Variants in GHR observed in about 807,000 individuals in gnomAD.
GHR encodes GH receptor.
Under a neutral mutation model 67.1 loss-of-function variants are expected in GHR, and 35 were observed. That is an observed-to-expected ratio of 0.52 (90% CI 0.40 to 0.69). The LOEUF (loss-of-function observed/expected upper bound fraction) is 0.69, where lower values mean the gene tolerates loss of function less well. GHR is among the 30% of genes least tolerant of loss of function. The pLI is 0.00. For synonymous variants in GHR, 272 were observed against 269.1 expected (o/e 1.01, Z -0.10); for missense variants, 792 against 764.6 (o/e 1.04, Z -0.42).
chr5:42,441,362 G>A (rs1442388792), intron 1 of GHR, among the ~76,000 whole-genome samples: 2 of 152,218 alleles, frequency 1.3e-5, no homozygotes, highest in South Asian at 2.1e-4. Context: ...GTTTGTTGTA[G>A]TGATGGGGGC....
At chr5:42,504,351 A>G (rs1746665601) in intron 1 of GHR, among the ~76,000 whole-genome samples, 1 of 152,186 alleles carries the variant, frequency 6.6e-6, no homozygotes, top group Non-Finnish European at 1.5e-5. Flanking sequence ...CAAGCAGGAA[A>G]TGCAGAAGAG....
At chr5:42,548,475 G>T (rs1177329682) in intron 1 of GHR, 2 of 985,018 alleles carry the variant, frequency 2.0e-6, no homozygotes, top group Non-Finnish European at 2.4e-6. Context: ...ATAAAGCCTG[G>T]AGGAAACAAT....
chr5:42,689,303 G>T (rs35267211), intron 4 of GHR, among the ~76,000 whole-genome samples: 14 of 152,256 alleles, frequency 9.2e-5, no homozygotes, highest in African/African-American at 3.4e-4. Flanking sequence ...TGAATTAAAT[G>T]TCAGCTAGTA....
At chr5:42,546,302 T>C (rs1224937678) in intron 1 of GHR, among the ~76,000 whole-genome samples, 1 of 152,228 alleles carries the variant, frequency 6.6e-6, no homozygotes, top group Non-Finnish European at 1.5e-5. Flanking sequence ...TGTCTTTTTA[T>C]AACCCCTCAT....
chr5:42,614,492 G>T (rs1432697337), intron 2 of GHR, among the ~76,000 whole-genome samples: 13 of 149,476 alleles, frequency 8.7e-5, no homozygotes, highest in Non-Finnish European at 1.8e-4. Context: ...GCTTCCAGGG[G>T]ATGCTGATGC....
intron 2 of GHR, among the ~76,000 whole-genome samples, chr5:42,583,112 G>T (rs1751277723): frequency 6.6e-6 from 1 of 152,232 alleles, no homozygotes; most frequent in Non-Finnish European, 1.5e-5. Context: ...AAAGTTTCCA[G>T]CTGGAAAAGC....
chr5:42,609,160 G>A (rs779801652), intron 2 of GHR, among the ~76,000 whole-genome samples: 5 of 152,244 alleles, frequency 3.3e-5, no homozygotes, highest in South Asian at 2.1e-4. Context: ...TAGCTCCCAG[G>A]CCTGAAAGGT....
chr5:42,455,644 G>A (rs1004365724), intron 1 of GHR, among the ~76,000 whole-genome samples: 4 of 152,192 alleles, frequency 2.6e-5, no homozygotes, highest in Non-Finnish European at 5.9e-5. Flanking sequence ...CTCTGAAGCA[G>A]GAGTGGCAAG....
chr5:42,635,926 T>G (rs1175963986), intron 3 of GHR, among the ~76,000 whole-genome samples: 1 of 151,788 alleles, frequency 6.6e-6, no homozygotes, highest in Non-Finnish European at 1.5e-5. Flanking sequence ...AAAAAAAATT[T>G]TAGGCCAGAC....
chr5:42,497,887 T>C (rs1201689421), intron 1 of GHR, among the ~76,000 whole-genome samples: 1 of 152,092 alleles, frequency 6.6e-6, no homozygotes, highest in African/African-American at 2.4e-5. Context: ...TGCTTGTAGG[T>C]TGGGGAAGGA....
chr5:42,605,751 T>G (rs2112651354), intron 2 of GHR, among the ~76,000 whole-genome samples: 1 of 152,348 alleles, frequency 6.6e-6, no homozygotes, highest in South Asian at 2.1e-4. Flanking sequence ...AGCTGGAAGC[T>G]TGGTTATGTT....
chr5:42,665,266 G>C (rs1005133133), intron 3 of GHR, among the ~76,000 whole-genome samples: 3 of 152,126 alleles, frequency 2.0e-5, no homozygotes, highest in African/African-American at 7.2e-5. Flanking sequence ...CCAAATGACT[G>C]TAAATCATGC....
intron 3 of GHR, among the ~76,000 whole-genome samples, chr5:42,684,577 A>T (rs1757045291): frequency 6.6e-6 from 1 of 152,164 alleles, no homozygotes; most frequent in African/African-American, 2.4e-5. Flanking sequence ...CATCTTTTTC[A>T]CTGTACTCAT....
In GHR at chr5:42,719,053, A is replaced by G. The variant is rs1192821670; in HGVS notation, c.1546A>G (p.Met516Val). 6.2e-7 allele frequency: 1 copy of G among 1,610,184 alleles called. No individual in the cohort carries two copies. The highest frequency in any genetic ancestry group is 1.3e-5 in the African/African-American group (1 of 74,824). ...KNKAGMSQCDMHPEMVSLCQE... is the reference protein window; with the variant it reads ...KNKAGMSQCDVHPEMVSLCQE... ...TAAGGCAGGGATGTCCCAATGTGAC[A>G]TGCACCCGGAAATGGTCTCACTCTG... is the stretch of plus-strand genomic sequence containing the variant. The change falls in exon 10 of 10, where the codon ATG becomes GTG. Residue 516 changes from methionine (M) to valine (V), a missense_variant. Transcript: ENST00000230882.
intron 1 of GHR, among the ~76,000 whole-genome samples, chr5:42,547,582 T>C (rs1008720550): frequency 2.0e-5 from 3 of 152,170 alleles, no homozygotes; most frequent in African/African-American, 4.8e-5. Flanking sequence ...TTCCCTCTAC[T>C]AGAAGGTAAT....
chr5:42,562,574 T>C (rs1292017799), intron 1 of GHR, among the ~76,000 whole-genome samples: 2 of 152,144 alleles, frequency 1.3e-5, no homozygotes, highest in African/African-American at 4.8e-5. Context: ...AGGATTCTTG[T>C]TTGTTTTTTG....
intron 2 of GHR, among the ~76,000 whole-genome samples, chr5:42,604,305 CAA>C (rs1316979682): frequency 6.6e-6 from 1 of 152,162 alleles, no homozygotes; most frequent in African/African-American, 2.4e-5. Flanking sequence ...TGTGATTGGA[CAA>C]AAAGAGTATT....
At chr5:42,603,905 A>T (rs1390255255) in intron 2 of GHR, among the ~76,000 whole-genome samples, 1 of 152,100 alleles carries the variant, frequency 6.6e-6, no homozygotes, top group Admixed American at 6.5e-5. Flanking sequence ...TGCAAACCCC[A>T]GGTTATTTTG....
chr5:42,580,950 C>A (rs901890217), intron 2 of GHR, among the ~76,000 whole-genome samples: 6 of 152,164 alleles, frequency 3.9e-5, no homozygotes, highest in African/African-American at 7.2e-5. Context: ...CCTCACCCAC[C>A]TTCATTCATC....
Sources: gnomAD v4.1 joint callset for allele counts (sites outside exome capture counted in the v4.1 genomes callset) on GRCh38, gnomAD v4.1.1 for gene constraint, MANE v1.5 for transcripts, NCBI Gene and HGNC (gene_info 2026-07-23, HGNC 2026-07-21) for gene names.